CTNNA3: variants seen among roughly 807,000 people sequenced by gnomAD.
CTNNA3 encodes catenin alpha 3, also known as catenin alpha-3.
A neutral mutation model predicts 95.7 loss-of-function variants in CTNNA3; 76 were observed. The ratio of observed to expected loss-of-function variants is 0.79; its 90% CI spans 0.66 to 0.96. The LOEUF is 0.96. Among genes scored for constraint, CTNNA3 ranks in the 40% least tolerant of loss-of-function variants. The probability of loss-of-function intolerance (pLI) is 0.00; values close to 1 mark genes in which losing one functional copy is unlikely to be tolerated. For synonymous variants in CTNNA3, 431 were observed against 374.4 expected, an observed-to-expected ratio of 1.15 and a Z score of -1.74; for missense variants, 1,191 against 1,089.8, an observed-to-expected ratio of 1.09 and a Z score of -1.31.
At chr10:66,660,116 C>T (rs920480589) in intron 9 of CTNNA3, among the ~76,000 whole-genome samples, 9 of 152,002 alleles carry the variant, frequency 5.9e-5, no homozygotes, top group African/African-American at 2.2e-4. Flanking sequence ...GCCACTGTGC[C>T]CAGCCTATTC....
chr10:66,226,884 C>CAT (rs1346902500), intron 13 of CTNNA3, among the ~76,000 whole-genome samples: 1 of 151,872 alleles, frequency 6.6e-6, no homozygotes, highest in African/African-American at 2.4e-5. Flanking sequence ...TATAGAGAGA[C>CAT]TAATTATTTT....
intron 2 of CTNNA3, among the ~76,000 whole-genome samples, chr10:67,626,180 CAAA>C (rs59942742): frequency 0.15 from 19,645 of 126,920 alleles, 2,308 homozygotes; most frequent in African/African-American, 0.33. Flanking sequence ...AACCCTGTCT[CAAA>C]AAAAAAAAAA....
intron 3 of CTNNA3, among the ~76,000 whole-genome samples, chr10:67,551,747 G>A (rs1021371274): frequency 1.3e-5 from 2 of 151,966 alleles, no homozygotes; most frequent in Admixed American, 6.5e-5. Flanking sequence ...CACCCCCTGA[G>A]GAGGACAAGG....
At chr10:66,114,990 G>T (rs1161605421) in intron 13 of CTNNA3, among the ~76,000 whole-genome samples, 2 of 151,856 alleles carry the variant, frequency 1.3e-5, no homozygotes, top group East Asian at 3.9e-4. Context: ...TAGTTGATTT[G>T]TCTCTAAGTT....
chr10:67,726,195 T>A (rs570903494), intron 1 of CTNNA3, among the ~76,000 whole-genome samples: 4,316 of 96,376 alleles, frequency 0.045, 140 homozygotes, highest in Middle Eastern at 0.11. Flanking sequence ...TTATAATATA[T>A]AATATATCAT....
chr10:67,368,130 T>G (rs945551383), intron 5 of CTNNA3, among the ~76,000 whole-genome samples: 2 of 151,950 alleles, frequency 1.3e-5, no homozygotes, highest in Non-Finnish European at 2.9e-5. Context: ...AAAATAAATG[T>G]CCCACAAAGG....
intron 5 of CTNNA3, among the ~76,000 whole-genome samples, chr10:67,389,604 A>T (rs1407295034): frequency 6.7e-6 from 1 of 149,154 alleles, no homozygotes; most frequent in Non-Finnish European, 1.5e-5. Flanking sequence ...AACAGAATAT[A>T]CATTTTTTTC....
intron 12 of CTNNA3, among the ~76,000 whole-genome samples, chr10:66,317,570 G>A (rs1269590321): frequency 3.9e-5 from 6 of 151,960 alleles, no homozygotes; most frequent in African/African-American, 9.6e-5. Flanking sequence ...CTACTCGGGA[G>A]GCTGAGGCAG....
chr10:66,008,036 C>T (rs574449399), intron 15 of CTNNA3, among the ~76,000 whole-genome samples: 6 of 152,036 alleles, frequency 3.9e-5, no homozygotes, highest in Non-Finnish European at 7.4e-5. Flanking sequence ...TCCCCAAATA[C>T]TCTTGAAAAC....
chr10:66,638,662 C>G (rs1259639713), intron 9 of CTNNA3, among the ~76,000 whole-genome samples: 3 of 152,114 alleles, frequency 2.0e-5, no homozygotes, highest in Non-Finnish European at 4.4e-5. Flanking sequence ...TTCTCTGAAA[C>G]TGAATTCAGT....
intron 6 of CTNNA3, among the ~76,000 whole-genome samples, chr10:67,211,718 T>C (rs1287493003): frequency 6.6e-6 from 1 of 152,162 alleles, no homozygotes; most frequent in Non-Finnish European, 1.5e-5. Flanking sequence ...CCTAATTGTA[T>C]TCCAACAGTC....
At chr10:66,830,320 A>G (rs1374293212) in intron 7 of CTNNA3, among the ~76,000 whole-genome samples, 3 of 152,236 alleles carry the variant, frequency 2.0e-5, no homozygotes, top group Non-Finnish European at 4.4e-5. Flanking sequence ...AAGGATTAAA[A>G]CAGTATTAAG....
At chr10:66,141,024 C>T (rs1384912934) in intron 13 of CTNNA3, among the ~76,000 whole-genome samples, 2 of 151,806 alleles carry the variant, frequency 1.3e-5, no homozygotes, top group African/African-American at 2.4e-5. Context: ...TTTGGGAGGC[C>T]GAGGCGGGAG....
At chr10:66,748,405 G>A (rs568705678) in intron 9 of CTNNA3, among the ~76,000 whole-genome samples, 1 of 152,246 alleles carries the variant, frequency 6.6e-6, no homozygotes, top group African/African-American at 2.4e-5. Flanking sequence ...GCTAATTTGA[G>A]TGTGACTGTC....
At chr10:66,532,593 CT>C in intron 10 of CTNNA3, among the ~76,000 whole-genome samples, 1 of 152,148 alleles carries the variant, frequency 6.6e-6, no homozygotes, top group Middle Eastern at 3.4e-3. Flanking sequence ...AGAAATTTAA[CT>C]TTCTTAATTG....
At chr10:67,359,821 G>C (rs1842935285) in intron 5 of CTNNA3, among the ~76,000 whole-genome samples, 1 of 152,098 alleles carries the variant, frequency 6.6e-6, no homozygotes, top group African/African-American at 2.4e-5. Flanking sequence ...CACTAGAGAA[G>C]TCAACATGCA....
chr10:66,401,918 C>T (rs747071358), intron 11 of CTNNA3, among the ~76,000 whole-genome samples: 8 of 151,990 alleles, frequency 5.3e-5, no homozygotes, highest in Non-Finnish European at 1.2e-4. Context: ...CTCAGTCTCC[C>T]AAAAGTGTTG....
intron 9 of CTNNA3, among the ~76,000 whole-genome samples, chr10:66,630,507 C>T (rs1400762190): frequency 2.0e-5 from 3 of 152,040 alleles, no homozygotes; most frequent in Non-Finnish European, 2.9e-5. Flanking sequence ...TATTTTTAAT[C>T]AAGTAAAGTA....
chr10:65,989,689 G>A (rs766726527), intron 15 of CTNNA3, among the ~76,000 whole-genome samples: 11 of 152,076 alleles, frequency 7.2e-5, no homozygotes, highest in South Asian at 6.2e-4. Context: ...TATCTGTCAC[G>A]TCAGTCAAGT....
Sources: gnomAD v4.1 joint callset for allele counts (sites outside exome capture counted in the v4.1 genomes callset) on GRCh38, gnomAD v4.1.1 for gene constraint, MANE v1.5 for transcripts, NCBI Gene and HGNC (gene_info 2026-07-23, HGNC 2026-07-21) for gene names.